SLC49A4: variants seen among roughly 807,000 people sequenced by gnomAD.
SLC49A4 encodes disrupted in renal cancer protein 2.
A neutral mutation model predicts 50.6 loss-of-function variants in SLC49A4; 36 were observed. That is an observed-to-expected ratio of 0.71 (90% CI 0.55 to 0.94). The LOEUF is 0.94. SLC49A4 is among the 40% of genes least tolerant of loss of function. SLC49A4 has a pLI of 0.00. For synonymous variants in SLC49A4, 248 were observed against 241.2 expected (o/e 1.03, Z -0.26); for missense variants, 503 against 605.7 (o/e 0.83, Z 1.78).
At chr3:122,801,461 G>A (rs976621380) in intron 1 of SLC49A4, among the ~76,000 whole-genome samples, 4 of 152,038 alleles carry the variant, frequency 2.6e-5, no homozygotes, top group Non-Finnish European at 5.9e-5. Context: ...GTCTGGTGGT[G>A]GGCACCTGTA....
Position 122,795,480 on chromosome 3 carries a change from GGGGCCCATC to G in SLC49A4, c.291_299del (p.Pro98_Gly100del). 1 of 1,605,714 alleles carries G rather than the reference GGGGCCCATC, an allele frequency of 6.2e-7. No homozygotes were observed. Among genetic ancestry groups the G allele is most frequent in the Non-Finnish European group, 8.5e-7 (1 of 1,179,032 alleles). On this transcript the variant is annotated inframe_deletion, in exon 1 of 9. Coordinates refer to ENST00000261038, the MANE Select transcript of SLC49A4 (RefSeq NM_032839.3). ...GGGACATCGCGCTGCTCGTGCTGTG[GGGGCCCATC>G]GGCTTCCTGCCCTGCTTCGCGTTCA...
intron 5 of SLC49A4, among the ~76,000 whole-genome samples, chr3:122,854,811 G>C (rs1576307421): frequency 6.6e-6 from 1 of 152,180 alleles, no homozygotes; most frequent in Admixed American, 6.5e-5. Flanking sequence ...TGACTCAAAG[G>C]CTGGGCGCGG....
chr3:122,876,908 T>C (rs967666268), intron 8 of SLC49A4, among the ~76,000 whole-genome samples: 2 of 152,162 alleles, frequency 1.3e-5, no homozygotes, highest in Admixed American at 6.5e-5. Context: ...GACTGCTGTG[T>C]AGTAGACAGT....
At chr3:122,824,464 A>G (rs144313587) in intron 2 of SLC49A4, among the ~76,000 whole-genome samples, 2 of 152,208 alleles carry the variant, frequency 1.3e-5, no homozygotes, top group East Asian at 3.9e-4. Context: ...GTAATAGTCT[A>G]TTTGTGATTC....
At chr3:122,825,504 A>G (rs1001749461) in intron 2 of SLC49A4, among the ~76,000 whole-genome samples, 11 of 151,966 alleles carry the variant, frequency 7.2e-5, no homozygotes, top group African/African-American at 2.2e-4. Flanking sequence ...AGCTATGGGC[A>G]GCCCTAATTC....
intron 1 of SLC49A4, among the ~76,000 whole-genome samples, chr3:122,806,362 T>G (rs1285239502): frequency 6.6e-6 from 1 of 152,136 alleles, no homozygotes; most frequent in Non-Finnish European, 1.5e-5. Flanking sequence ...TCCATTAAAG[T>G]TAGAATCATC....
intron 2 of SLC49A4, among the ~76,000 whole-genome samples, chr3:122,812,945 GA>G (rs558840555): frequency 1.3e-5 from 2 of 151,890 alleles, no homozygotes; most frequent in Non-Finnish European, 2.9e-5. Flanking sequence ...ATTTAAGAGG[GA>G]AAAAAAGGGA....
chr3:122,876,677 A>G (rs1937271661), intron 8 of SLC49A4, among the ~76,000 whole-genome samples: 1 of 152,238 alleles, frequency 6.6e-6, no homozygotes, highest in Admixed American at 6.5e-5. Context: ...GTAGCTGGAA[A>G]CAGACAAGTA....
intron 1 of SLC49A4, among the ~76,000 whole-genome samples, chr3:122,800,191 G>A (rs1042768981): frequency 2.0e-5 from 3 of 152,192 alleles, no homozygotes; most frequent in African/African-American, 7.2e-5. Context: ...TGTGGAGAAG[G>A]GTGGAGCTTC....
At chr3:122,800,595 G>A (rs889749233) in intron 1 of SLC49A4, among the ~76,000 whole-genome samples, 1 of 152,160 alleles carries the variant, frequency 6.6e-6, no homozygotes, top group Admixed American at 6.5e-5. Context: ...TGATGATGCC[G>A]GAGGGAAAGG....
chr3:122,810,381 C>G (rs1440026179), intron 2 of SLC49A4, among the ~76,000 whole-genome samples: 4 of 152,040 alleles, frequency 2.6e-5, no homozygotes, highest in Non-Finnish European at 5.9e-5. Flanking sequence ...TCTATGATCT[C>G]GAACAAAATA....
intron 2 of SLC49A4, among the ~76,000 whole-genome samples, chr3:122,822,411 G>T (rs770857190): frequency 3.9e-5 from 6 of 152,072 alleles, no homozygotes; most frequent in Admixed American, 6.6e-5. Context: ...AGTTCACTTC[G>T]CTAAGCTTAT....
At chr3:122,876,290 T>C (rs1189115321) in intron 8 of SLC49A4, among the ~76,000 whole-genome samples, 2 of 152,240 alleles carry the variant, frequency 1.3e-5, no homozygotes, top group East Asian at 1.9e-4. Context: ...CTAGAAGCTT[T>C]GCAGCGGGTT....
intron 7 of SLC49A4, among the ~76,000 whole-genome samples, chr3:122,871,895 ATGT>A (rs1052246184): frequency 6.6e-6 from 1 of 152,170 alleles, no homozygotes; most frequent in Non-Finnish European, 1.5e-5. Flanking sequence ...TTTAAAAAAA[ATGT>A]TGACCTAAAA....
intron 1 of SLC49A4, among the ~76,000 whole-genome samples, chr3:122,802,799 A>C (rs1207152324): frequency 6.6e-6 from 1 of 152,252 alleles, no homozygotes; most frequent in African/African-American, 2.4e-5. Flanking sequence ...ACAGCAGACT[A>C]GACATTGCTG....
intron 2 of SLC49A4, among the ~76,000 whole-genome samples, chr3:122,809,927 C>A (rs1344450495): frequency 6.6e-6 from 1 of 152,134 alleles, no homozygotes; most frequent in Admixed American, 6.5e-5. Context: ...GTGTTGTTAA[C>A]AATGCATGAT....
At position 122,819,661 on chromosome 3, in the gene SLC49A4, C is replaced by T. The variant is rs541066629; in HGVS notation, c.438-7139C>T. 4.3e-4 allele frequency among the ~76,000 whole-genome samples: 66 copies of T among 152,314 alleles called. 1 individual carries two copies. The Middle Eastern group carries it at 0.02, about 47-fold the overall frequency. On this transcript the variant is annotated intron_variant, in intron 2 of 8. Transcript: ENST00000261038. ...TTTTGGAATGCTCATTACTTTTCCACCACCACCTCTATTTCTCTTTTCCTG... is the reference window on the plus strand; with the variant it reads ...TTTTGGAATGCTCATTACTTTTCCATCACCACCTCTATTTCTCTTTTCCTG...
At position 122,848,348 on chromosome 3, in the gene SLC49A4, C is replaced by G. The variant is rs555244294; in HGVS notation, c.942+2477C>G. Among the ~76,000 whole-genome samples the G allele has an allele frequency of 7.0e-4, 106 of 152,188 alleles. 1 individual carries two copies. The highest frequency in any genetic ancestry group is 2.3e-3 in the African/African-American group (97 of 41,510). Reference sequence around the variant, plus strand: ...GACTTTATTCCTTTAGTCTGTTTGTCTGTCCCTGCACCAATACCAAATTGT... The same window carrying G: ...GACTTTATTCCTTTAGTCTGTTTGTGTGTCCCTGCACCAATACCAAATTGT... On this transcript the variant is annotated intron_variant, in intron 5 of 8. Coordinates refer to ENST00000261038, the MANE Select transcript of SLC49A4 (RefSeq NM_032839.3).
intron 1 of SLC49A4, among the ~76,000 whole-genome samples, chr3:122,803,756 T>C (rs147897900): frequency 2.0e-3 from 297 of 152,304 alleles, no homozygotes; most frequent in African/African-American, 6.5e-3. Context: ...CCTGATTCTT[T>C]AGACATCTGC....
Sources: allele counts gnomAD v4.1 joint callset (sites outside exome capture counted in the v4.1 genomes callset), GRCh38; gene constraint gnomAD v4.1.1; transcripts MANE v1.5; gene names NCBI Gene and HGNC (gene_info 2026-07-23, HGNC 2026-07-21).